Variants in ERFL observed in about 807,000 individuals in gnomAD.
The protein encoded by ERFL is ETS domain-containing transcription factor ERF-like.
Under a neutral mutation model 27.9 loss-of-function variants are expected in ERFL, and 8 were observed. The ratio of observed to expected loss-of-function variants is 0.29; its 90% CI spans 0.17 to 0.52. The LOEUF (loss-of-function observed/expected upper bound fraction) is 0.52, where lower values mean the gene tolerates loss of function less well. ERFL is among the 20% of genes least tolerant of loss of function. ERFL has a pLI of 0.97. For synonymous variants in ERFL, 174 were observed against 202.8 expected (o/e 0.86, Z 1.21); for missense variants, 294 against 444.4 (o/e 0.66, Z 3.04).
chr19:41,920,048 G>C (rs1393074897), intron 1 of ERFL, among the ~76,000 whole-genome samples: 1 of 125,096 alleles, frequency 8.0e-6, no homozygotes, highest in South Asian at 3.8e-4. Flanking sequence ...TACGCTCACA[G>C]ACATGACACA....
chr19:41,923,334 A>G, intron 1 of ERFL: 3 of 373,548 alleles, frequency 8.0e-6, no homozygotes, highest in East Asian at 7.4e-5. Flanking sequence ...AGACAGACAC[A>G]GAGTCCAGGA....
chr19:41,915,017 G>C (rs1359855060), intron 1 of ERFL, among the ~76,000 whole-genome samples: 2 of 53,926 alleles, frequency 3.7e-5, no homozygotes, highest in Admixed American at 5.9e-4. Flanking sequence ...TGCCCCCACC[G>C]TGTCCCTGTC....
In ERFL at chr19:41,909,545, G is replaced by T; in HGVS notation, c.303-74C>A. On this transcript the variant is annotated intron_variant, in intron 3 of 5. Coordinates refer to ENST00000597630, the MANE Select transcript of ERFL (RefSeq NM_001365103.2). This position sits in a 1 kb window ranked among gnomAD's most constrained non-coding sequence, Gnocchi z 5.2. ...CGGGATCTGGGGTTTCTTAATGCGT[G>T]TGCTGTCCCAGGCATGGTGCACAGA... The T allele has an allele frequency of 9.1e-7, 1 of 1,099,690 alleles. No homozygotes were observed. Among genetic ancestry groups the T allele is most frequent in the Non-Finnish European group, 1.2e-6 (1 of 853,676 alleles). 68.1% of individuals were successfully genotyped at this position (1,099,690 alleles called of 1,614,324 possible). A position where few individuals can be genotyped will look rare whatever the true frequency, so the allele number is the denominator to read the frequency against.
intron 1 of ERFL, among the ~76,000 whole-genome samples, chr19:41,918,587 A>C (rs782387524): frequency 1.3e-5 from 2 of 149,538 alleles, no homozygotes; most frequent in African/African-American, 2.5e-5. Flanking sequence ...CACACAGTAC[A>C]TACACTACCC....
At chr19:41,923,979 G>C (rs189577520) in intron 1 of ERFL, among the ~76,000 whole-genome samples, 1,169 of 102,240 alleles carry the variant, frequency 0.011, 55 homozygotes, top group African/African-American at 0.047. Context: ...GTAGGGGTGC[G>C]CTGGGAGGGG....
At chr19:41,923,964 G>A (rs1327254813) in intron 1 of ERFL, among the ~76,000 whole-genome samples, 1 of 89,828 alleles carries the variant, frequency 1.1e-5, no homozygotes, top group Non-Finnish European at 2.3e-5. Context: ...CTGTGCTGGG[G>A]GGAGGTAGGG....
At chr19:41,915,061 C>T (rs1439872558) in intron 1 of ERFL, among the ~76,000 whole-genome samples, 1 of 109,458 alleles carries the variant, frequency 9.1e-6, no homozygotes, top group Non-Finnish European at 1.9e-5. Context: ...TCCCCCACAC[C>T]TCTCCCCCAC....
rs1555852496 is a variant in ERFL, at chr19:41,921,554, G to C, written c.-14+6486C>G. ...CCGAGGTGGGGAAACACGGCAGAAG[G>C]AGCGAACCAGAGAGGCTGAGACAAA... is the stretch of plus-strand genomic sequence containing the variant. On this transcript the variant is annotated intron_variant, in intron 1 of 5. Coordinates refer to ENST00000597630, the MANE Select transcript of ERFL (RefSeq NM_001365103.2). The surrounding 1 kb of genome is among the most constrained non-coding windows in gnomAD (Gnocchi z 4.4). 2.0e-5 allele frequency among the ~76,000 whole-genome samples: 3 copies of C among 148,008 alleles called. No homozygotes were observed. Among genetic ancestry groups the C allele is most frequent in the African/African-American group, 8.0e-5 (3 of 37,530 alleles).
chr19:41,923,382 A>G (rs1599680597), intron 1 of ERFL: 1 of 341,310 alleles, frequency 2.9e-6, no homozygotes, highest in East Asian at 7.9e-5. Context: ...AGCTGTAAAG[A>G]CCCTGTATGG....
intron 1 of ERFL, among the ~76,000 whole-genome samples, chr19:41,925,540 G>C (rs2074866534): frequency 6.6e-6 from 1 of 152,116 alleles, no homozygotes; most frequent in African/African-American, 2.4e-5. Context: ...CAAGGGACCG[G>C]GAAACTCTGA....
At position 41,907,992 on chromosome 19, in the gene ERFL, C is replaced by T. The variant is rs1198326886; in HGVS notation, c.*236G>A. 1 of 400,116 alleles carries T rather than the reference C, an allele frequency of 2.5e-6. No homozygotes were observed. Among genetic ancestry groups the T allele is most frequent in the Non-Finnish European group, 4.3e-6 (1 of 230,138 alleles). 24.8% of individuals were successfully genotyped at this position (400,116 alleles called of 1,614,324 possible). ...CTTTGGGAGTGGGGCCAGGCGGGGACCCCCCTCAAACTGGAGCCTGGGGAG... is the reference window on the plus strand; with the variant it reads ...CTTTGGGAGTGGGGCCAGGCGGGGATCCCCCTCAAACTGGAGCCTGGGGAG... On this transcript the variant is annotated 3_prime_UTR_variant, in exon 6 of 6. Transcript: ENST00000597630.
rs1463691248 is a variant in ERFL at position 41,916,569 on chromosome 19, C to G, written c.-13-3637G>C. Among the ~76,000 whole-genome samples the G allele has an allele frequency of 6.6e-6, 1 of 152,138 alleles. No homozygotes were observed. Among genetic ancestry groups the G allele is most frequent in the African/African-American group, 2.4e-5 (1 of 41,428 alleles). ...CACACTGTGTAAACACATAATCACACACTGAGGCTCACAATCAAATACAGA... is the reference window on the plus strand; with the variant it reads ...CACACTGTGTAAACACATAATCACAGACTGAGGCTCACAATCAAATACAGA... On this transcript the variant is annotated intron_variant, in intron 1 of 5. Coordinates refer to ENST00000597630, the MANE Select transcript of ERFL (RefSeq NM_001365103.2). The surrounding 1 kb of genome is among the most constrained non-coding windows in gnomAD (Gnocchi z 5.4).
intron 1 of ERFL, among the ~76,000 whole-genome samples, chr19:41,918,328 C>T (rs2074814758): frequency 6.6e-6 from 1 of 151,142 alleles, no homozygotes; most frequent in Non-Finnish European, 1.5e-5. Context: ...CACATACACA[C>T]ACACGGTACA....
rs531686684 is a variant in ERFL at position 41,918,112 on chromosome 19, C to T, written c.-13-5180G>A. Among the ~76,000 whole-genome samples the T allele has an allele frequency of 2.6e-5, 4 of 152,112 alleles. No individual in the cohort carries two copies. The South Asian group carries it at 6.2e-4, about 24-fold the overall frequency. ...TGCCCCCCCATCCCGGACGCCACCC[C>T]CATTCCCACACTGCCCACATCAAAT... On this transcript the variant is annotated intron_variant, in intron 1 of 5. Transcript: ENST00000597630.
chr19:41,922,490 A>G (rs2074848121), intron 1 of ERFL, among the ~76,000 whole-genome samples: 2 of 152,126 alleles, frequency 1.3e-5, no homozygotes, highest in Admixed American at 1.3e-4. Context: ...GAGGCCAAAA[A>G]TGGGGAGAAG....
Position 41,912,886 on chromosome 19 carries a change from C to G in ERFL, c.34G>C (p.Ala12Pro). The G allele has an allele frequency of 8.1e-7, 1 of 1,231,236 alleles. No homozygotes were observed. 76.3% of individuals were successfully genotyped at this position (1,231,236 alleles called of 1,614,324 possible). A position where few individuals can be genotyped will look rare whatever the true frequency, so the allele number is the denominator to read the frequency against. ...CAGAGAGCCGGCAGGGCGGGCGGGG[C>G]GAAGAGAAGGTCGGAGACGCAGCTA... ...DCSCVSDLLF[A>P]PPALPALWTP... The change falls in exon 2 of 6, where the codon GCC (alanine) becomes CCC (proline). Residue 12 changes from alanine to proline, a missense_variant. Ala to Pro is a conservative substitution (Grantham distance 27). Transcript: ENST00000597630.
chr19:41,916,020 C>A lies in ERFL; in HGVS notation c.-13-3088G>T, dbSNP rs1412474853. On this transcript the variant is annotated intron_variant, in intron 1 of 5. Coordinates refer to ENST00000597630, the MANE Select transcript of ERFL (RefSeq NM_001365103.2). The surrounding 1 kb of genome is among the most constrained non-coding windows in gnomAD (Gnocchi z 5.4). The stretch of plus-strand genomic sequence containing the variant: ...AATTTTATTTTGCTTCCTCCACCCC[C>A]CCTTCGCCCCCCATCTCTACCGCCC... Among the ~76,000 whole-genome samples the A allele has an allele frequency of 2.6e-5, 4 of 152,018 alleles. No individual in the cohort carries two copies. Among genetic ancestry groups the A allele is most frequent in the Non-Finnish European group, 5.9e-5 (4 of 68,012 alleles).
Position 41,916,907 on chromosome 19 carries a change from A to AT in ERFL, c.-13-3976_-13-3975insA, listed in dbSNP as rs1555852003. ...ACACACTGGGTAGGGGTGGGCACTCAGAGATGACCCCAACCCAAGGCCCCT... is the reference window on the plus strand; with the variant it reads ...ACACACTGGGTAGGGGTGGGCACTCATGAGATGACCCCAACCCAAGGCCCCT... On this transcript the variant is annotated intron_variant, in intron 1 of 5. Coordinates refer to ENST00000597630, the MANE Select transcript of ERFL (RefSeq NM_001365103.2). The surrounding 1 kb of genome is among the most constrained non-coding windows in gnomAD (Gnocchi z 5.4). Among the ~76,000 whole-genome samples the AT allele has an allele frequency of 1.3e-5, 2 of 152,120 alleles. No homozygotes were observed. Among genetic ancestry groups the AT allele is most frequent in the Non-Finnish European group, 2.9e-5 (2 of 68,018 alleles).
intron 1 of ERFL, among the ~76,000 whole-genome samples, chr19:41,914,213 C>T (rs1289764353): frequency 1.3e-5 from 2 of 151,468 alleles, no homozygotes; most frequent in African/African-American, 4.9e-5. Context: ...CCCAGGCCCC[C>T]TCTGTTCCCA....
Sources: gnomAD v4.1 joint callset for allele counts (sites outside exome capture counted in the v4.1 genomes callset) on GRCh38, gnomAD v4.1.1 for gene constraint, Gnocchi (gnomAD v3.1) non-coding constraint, MANE v1.5 for transcripts, NCBI Gene and HGNC (gene_info 2026-07-23, HGNC 2026-07-21) for gene names.